The following UBR1 variants were observed in gnomAD, a reference collection of about 807,000 sequenced individuals.
UBR1 encodes the protein E3 ubiquitin-protein ligase UBR1.
UBR1 carries 102 observed loss-of-function variants against 242.1 expected under a neutral mutation model. That is an observed-to-expected ratio of 0.42 (90% CI 0.36 to 0.50). The LOEUF (loss-of-function observed/expected upper bound fraction) is 0.50, where lower values mean the gene tolerates loss of function less well. Among genes scored for constraint, UBR1 ranks in the 20% least tolerant of loss-of-function variants. The pLI, the probability that UBR1 is intolerant of heterozygous loss-of-function variation, is 0.01. For synonymous variants in UBR1, 675 were observed against 684.8 expected, an observed-to-expected ratio of 0.99 and a Z score of 0.22; for missense variants, 1,772 against 2,101.8, an observed-to-expected ratio of 0.84 and a Z score of 3.07.
rs374704046 is a variant in UBR1, at chr15:43,032,729, AT to A, written c.2191-99del. The stretch of plus-strand genomic sequence containing the variant: ...AGACTCATGGTCCATCCAGCCTAGT[AT>A]TTTTCATCCAGTCCAGTATTTTTTT... On this transcript the variant is annotated intron_variant, in intron 19 of 46. Coordinates refer to ENST00000290650, the MANE Select transcript of UBR1 (RefSeq NM_174916.3). The A allele has an allele frequency of 4.3e-4, 317 of 740,112 alleles. 1 individual carries two copies. The African/African-American group carries it at 5.2e-3, about 12-fold the overall frequency. 45.8% of individuals were successfully genotyped at this position (740,112 alleles called of 1,614,324 possible). A position where few individuals can be genotyped will look rare whatever the true frequency, so the allele number is the denominator to read the frequency against.
At chr15:42,947,672 C>G (rs183519908) in intron 46 of UBR1, among the ~76,000 whole-genome samples, 2 of 152,288 alleles carry the variant, frequency 1.3e-5, no homozygotes, top group African/African-American at 4.8e-5. Flanking sequence ...CATGAGTGAA[C>G]TTCCATTCAC....
chr15:43,036,247 G>T lies in UBR1; in HGVS notation c.2121C>A (p.Phe707Leu), dbSNP rs1256837340. 1.2e-6 allele frequency: 2 copies of T among 1,613,534 alleles called. No individual in the cohort carries two copies. The highest frequency in any genetic ancestry group is 3.3e-5 in the Admixed American group (2 of 59,996). Residue 707 changes from phenylalanine (F) to leucine (L), a missense_variant, in exon 19 of 47, where the codon TTC becomes TTA. This residue lies in a region of UBR1 where 734 missense variants were observed against 893.3 expected (regional missense o/e 0.82). Transcript: ENST00000290650. ...CATACCTCTGAAGTACCAGTAACAA[G>T]AACTTATTGGGATCCATTAAAGATG... ...IGASLMDPNK[F>L]LLLVLQRYEL...
At chr15:43,086,897 C>G (rs1227599092) in intron 1 of UBR1, among the ~76,000 whole-genome samples, 4 of 152,194 alleles carry the variant, frequency 2.6e-5, no homozygotes, top group Non-Finnish European at 5.9e-5. Context: ...ATAGTCCCAT[C>G]TCAGGAGGCT....
rs998817919 is a variant in UBR1 at position 43,043,317 on chromosome 15, T to C, written c.1747A>G (p.Lys583Glu). ...RCSTSFISSS[K>E]TVVQSCGHSL... ...TGTCCACACGATTGTACTACTGTCT[T>C]GCTACTAGATATGAAACTGGTACTG... The change falls in exon 15 of 47, where the codon AAG becomes GAG. Residue 583 changes from lysine to glutamate, a missense_variant. This residue lies in a region of UBR1 where 734 missense variants were observed against 893.3 expected (regional missense o/e 0.82). Transcript: ENST00000290650. The C allele has an allele frequency of 5.0e-6, 8 of 1,614,052 alleles. No individual in the cohort carries two copies. The highest frequency in any genetic ancestry group is 3.3e-5 in the Admixed American group (2 of 59,998).
chr15:43,017,687 G>C (rs1465084853), intron 27 of UBR1, among the ~76,000 whole-genome samples: 1 of 151,726 alleles, frequency 6.6e-6, no homozygotes, highest in Non-Finnish European at 1.5e-5. Flanking sequence ...ACCCATGCCT[G>C]TGATGCCAGC....
At chr15:43,035,452 T>C (rs577354770) in intron 19 of UBR1, among the ~76,000 whole-genome samples, 1 of 152,176 alleles carries the variant, frequency 6.6e-6, no homozygotes, top group East Asian at 1.9e-4. Context: ...TTCATGTCCT[T>C]TGCCCACTTT....
chr15:43,016,648 C>T (rs2033028014), intron 28 of UBR1, among the ~76,000 whole-genome samples: 1 of 152,210 alleles, frequency 6.6e-6, no homozygotes, highest in South Asian at 2.1e-4. Context: ...GTGATTTTGG[C>T]TCACTGCAAC....
intron 1 of UBR1, among the ~76,000 whole-genome samples, chr15:43,103,124 C>T (rs1312580433): frequency 1.3e-5 from 2 of 152,206 alleles, no homozygotes; most frequent in South Asian, 2.1e-4. Context: ...GCCAAGATGG[C>T]ACCACTATAC....
In UBR1 at chr15:42,970,529, T is replaced by C. The variant is rs748288799; in HGVS notation, c.4448A>G (p.Tyr1483Cys). The C allele has an allele frequency of 5.0e-6, 8 of 1,613,472 alleles. No homozygotes were observed. In the Admixed American group the frequency reaches 5.0e-5, roughly 10 times the overall value. The change falls in exon 40 of 47, where the codon TAT becomes TGT. Residue 1483 changes from tyrosine (Y) to cysteine (C), a missense_variant. Around this residue, in one of 3 missense-constraint regions of UBR1, gnomAD observed 965 missense variants for 1,079.7 expected, o/e 0.89. Transcript: ENST00000290650. ...ATGGATTGTTACTCACCCACTTGTA[T>C]ATTGAGAAATTTCTGCAAAGAAAGA... ...ASSFFAEISQ[Y>C]TSGSIGCDIP...
At chr15:43,051,853 G>A (rs555842576) in intron 12 of UBR1, among the ~76,000 whole-genome samples, 1 of 152,188 alleles carries the variant, frequency 6.6e-6, no homozygotes. Context: ...GGGTGAGACA[G>A]TAAGGGAGTG....
At chr15:43,016,742 A>C (rs956504023) in intron 28 of UBR1, among the ~76,000 whole-genome samples, 1 of 152,180 alleles carries the variant, frequency 6.6e-6, no homozygotes, top group Admixed American at 6.5e-5. Context: ...ACATTGGGCT[A>C]ATTTTTGTAT....
intron 15 of UBR1, among the ~76,000 whole-genome samples, chr15:43,039,833 A>G (rs1271091669): frequency 6.6e-6 from 1 of 152,050 alleles, no homozygotes; most frequent in Admixed American, 6.5e-5. Flanking sequence ...AATAGCTCTT[A>G]TTATTTTGAG....
chr15:43,025,592 G>A lies in UBR1; in HGVS notation c.2536-163C>T, dbSNP rs2033168266. ...CCTAGAAATAAAATTGTGTTCTAGA[G>A]AAACCTAATGCAAAATAGATGAGGA... On this transcript the variant is annotated intron_variant, in intron 23 of 46. Coordinates refer to ENST00000290650, the MANE Select transcript of UBR1 (RefSeq NM_174916.3). 4 of 612,958 alleles carry A rather than the reference G, an allele frequency of 6.5e-6. No individual in the cohort carries two copies. The Admixed American group carries it at 1.1e-4, about 18-fold the overall frequency. 38.0% of individuals were successfully genotyped at this position (612,958 alleles called of 1,614,324 possible). A position where few individuals can be genotyped will look rare whatever the true frequency, so the allele number is the denominator to read the frequency against.
At chr15:43,053,639 C>A (rs2033581844) in intron 12 of UBR1, among the ~76,000 whole-genome samples, 1 of 152,160 alleles carries the variant, frequency 6.6e-6, no homozygotes, top group Non-Finnish European at 1.5e-5. Context: ...GTTGCCCAGG[C>A]TGGAGTGCAG....
intron 41 of UBR1, 82 bp from the exon 42 acceptor site, chr15:42,964,125 T>G: frequency 5.1e-6 from 5 of 977,220 alleles, no homozygotes; most frequent in Non-Finnish European, 8.0e-6. Context: ...TCACTGTTTA[T>G]GCTTATTTCT....
rs770411700 is a variant in UBR1, at chr15:42,977,999, G to C, written c.4151-52C>G. 162 of 1,485,864 alleles carry C rather than the reference G, an allele frequency of 1.1e-4. No individual in the cohort carries two copies. In the Middle Eastern group the frequency reaches 1.8e-3, roughly 16 times the overall value. 92.0% of individuals were successfully genotyped at this position (1,485,864 alleles called of 1,614,324 possible). On this transcript the variant is annotated intron_variant, in intron 37 of 46. Coordinates refer to ENST00000290650, the MANE Select transcript of UBR1 (RefSeq NM_174916.3). ...TTCAGTCAGTAAGATAGCAGTGTAG[G>C]TAAATAAAATGCAAGCTAAAAACAC... is the stretch of plus-strand genomic sequence containing the variant.
At chr15:42,948,286 T>C (rs1350233269) in intron 46 of UBR1, among the ~76,000 whole-genome samples, 1 of 152,054 alleles carries the variant, frequency 6.6e-6, no homozygotes, top group Non-Finnish European at 1.5e-5. Context: ...TAATTCAAGA[T>C]GGATTAAAGA....
chr15:43,103,940 A>G (rs2034267335), intron 1 of UBR1, among the ~76,000 whole-genome samples: 1 of 151,622 alleles, frequency 6.6e-6, no homozygotes, highest in Admixed American at 6.5e-5. Context: ...AAAGAGAAAG[A>G]GAGAGGTAGA....
intron 20 of UBR1, among the ~76,000 whole-genome samples, chr15:43,031,879 C>T (rs575368001): frequency 6.6e-6 from 1 of 152,114 alleles, no homozygotes; most frequent in African/African-American, 2.4e-5. Context: ...TACATATATA[C>T]AAAAATTGGC....
Sources: gnomAD v4.1 joint callset for allele counts (sites outside exome capture counted in the v4.1 genomes callset) on GRCh38, gnomAD v4.1.1 for gene constraint, gnomAD v4.1.1 regional missense constraint, MANE v1.5 for transcripts, NCBI Gene and HGNC (gene_info 2026-07-23, HGNC 2026-07-21) for gene names.